TRIP12: variants seen among roughly 807,000 people sequenced by gnomAD.
TRIP12 encodes E3 ubiquitin-protein ligase TRIP12.
Under a neutral mutation model 244.2 loss-of-function variants are expected in TRIP12, and 25 were observed. The observed-to-expected ratio is 0.10, with a 90% CI of 0.07 to 0.14. The LOEUF (loss-of-function observed/expected upper bound fraction) is 0.14. Ranked by LOEUF, TRIP12 falls within the 10% of genes least tolerant of loss-of-function variation. TRIP12 has a pLI of 1.00. For missense variants in TRIP12, 1,677 were observed against 2,486.4 expected, an observed-to-expected ratio of 0.67 and a Z score of 6.92; for synonymous variants, 905 against 873.1, an observed-to-expected ratio of 1.04 and a Z score of -0.64.
intron 13 of TRIP12, among the ~76,000 whole-genome samples, 154 bp from the exon 14 acceptor site, chr2:229,811,358 TAC>T (rs1204581209): frequency 1.3e-5 from 2 of 151,908 alleles, no homozygotes; most frequent in African/African-American, 4.8e-5. Context: ...CTAAGCAAGG[TAC>T]AGTCAGTAAC....
At chr2:229,851,474 CA>C (rs2058688243) in intron 4 of TRIP12, among the ~76,000 whole-genome samples, 1 of 152,100 alleles carries the variant, frequency 6.6e-6, no homozygotes, top group Non-Finnish European at 1.5e-5. Context: ...TCGGCTCTAC[CA>C]ATCAGCAGGA....
At chr2:229,855,145 T>A (rs1384665757) in intron 4 of TRIP12, among the ~76,000 whole-genome samples, 1 of 152,166 alleles carries the variant, frequency 6.6e-6, no homozygotes, top group African/African-American at 2.4e-5. Flanking sequence ...CGCGTGCCTA[T>A]AATCCCAGTT....
chr2:229,789,749 T>C lies in TRIP12; in HGVS notation c.4557A>G (p.Pro1519=). ...AAACTTCTAAAGGATTTGATACTGA[T>C]GGGCACACTCCATCTAAAGGACAAA... is the stretch of plus-strand genomic sequence containing the variant. ...HDELWHDGVC[P]SVSNPLEVYL... Residue 1519 remains proline (P), a synonymous_variant, in exon 31 of 42, where the codon CCA becomes CCG. Coordinates refer to ENST00000675903, the MANE Select transcript of TRIP12 (RefSeq NM_001348323.3). 2 of 1,613,982 alleles carry C rather than the reference T, an allele frequency of 1.2e-6. No homozygotes were observed. Among genetic ancestry groups the C allele is most frequent in the Non-Finnish European group, 1.7e-6 (2 of 1,179,938 alleles).
chr2:229,804,834 G>A (rs2045425475), intron 18 of TRIP12, among the ~76,000 whole-genome samples: 1 of 152,110 alleles, frequency 6.6e-6, no homozygotes, highest in Admixed American at 6.5e-5. Context: ...CAATGGCAAT[G>A]GTGGTGAGTA....
intron 5 of TRIP12, among the ~76,000 whole-genome samples, chr2:229,837,308 A>G (rs1452118720): frequency 6.6e-6 from 1 of 152,230 alleles, no homozygotes; most frequent in Admixed American, 6.5e-5. Flanking sequence ...CGTTTAAAAT[A>G]GAGCATCACT....
chr2:229,841,385 C>T (rs1235231882), intron 4 of TRIP12, among the ~76,000 whole-genome samples: 1 of 152,082 alleles, frequency 6.6e-6, no homozygotes, highest in Non-Finnish European at 1.5e-5. Context: ...AGTTATACCA[C>T]CCATCAGAAA....
chr2:229,862,189 T>G (rs1173774943), intron 2 of TRIP12, among the ~76,000 whole-genome samples: 1 of 152,208 alleles, frequency 6.6e-6, no homozygotes, highest in African/African-American at 2.4e-5. Context: ...TATTGTGATT[T>G]AATTTTAATT....
At chr2:229,865,002 C>T (rs2061248372) in intron 2 of TRIP12, among the ~76,000 whole-genome samples, 1 of 152,088 alleles carries the variant, frequency 6.6e-6, no homozygotes, top group African/African-American at 2.4e-5. Context: ...GAGACCTAAA[C>T]TTTATATCAA....
At chr2:229,918,228 T>C (rs1287160415) in intron 1 of TRIP12, among the ~76,000 whole-genome samples, 1 of 152,174 alleles carries the variant, frequency 6.6e-6, no homozygotes, top group Non-Finnish European at 1.5e-5. Context: ...CTGTACATAG[T>C]GGGTGCTTGC....
intron 34 of TRIP12, among the ~76,000 whole-genome samples, chr2:229,782,829 G>C (rs554326492): frequency 1.3e-5 from 2 of 152,084 alleles, no homozygotes; most frequent in African/African-American, 4.8e-5. Context: ...CAACTTTGAG[G>C]TTATACTATT....
chr2:229,858,513 C>A (rs765947378), intron 4 of TRIP12, among the ~76,000 whole-genome samples: 1 of 152,076 alleles, frequency 6.6e-6, no homozygotes, highest in East Asian at 1.9e-4. Context: ...GGAGATGCCG[C>A]GAGGACCAAT....
At chr2:229,831,497 G>A (rs1308324582) in intron 6 of TRIP12, among the ~76,000 whole-genome samples, 2 of 152,164 alleles carry the variant, frequency 1.3e-5, no homozygotes, top group Non-Finnish European at 2.9e-5. Context: ...AATATAGTGA[G>A]ACTTGTAGTC....
chr2:229,835,750 T>C (rs530405387), intron 6 of TRIP12, among the ~76,000 whole-genome samples: 1 of 152,324 alleles, frequency 6.6e-6, no homozygotes, highest in East Asian at 1.9e-4. Context: ...CTGTTACCCA[T>C]TTGGGAATTG....
At chr2:229,884,239 T>TC (rs1388648822) in intron 1 of TRIP12, among the ~76,000 whole-genome samples, 6 of 146,636 alleles carry the variant, frequency 4.1e-5, no homozygotes, top group East Asian at 2.0e-4. Flanking sequence ...TTCTTTTCTT[T>TC]TTTTTTTTTT....
chr2:229,897,432 G>A (rs574558955), intron 1 of TRIP12, among the ~76,000 whole-genome samples: 64 of 152,216 alleles, frequency 4.2e-4, no homozygotes, highest in Non-Finnish European at 8.1e-4. Flanking sequence ...AGGATTATTT[G>A]AGGTCAGGAG....
chr2:229,829,209 T>C lies in TRIP12; in HGVS notation c.1434A>G (p.Thr478=), dbSNP rs374146132. 11 of 1,613,790 alleles carry C rather than the reference T, an allele frequency of 6.8e-6. No individual in the cohort carries two copies. In the African/African-American group the frequency reaches 1.5e-4, roughly 22 times the overall value. Residue 478 remains threonine (T), a synonymous_variant, in exon 8 of 42, where the codon ACA becomes ACG. Transcript: ENST00000675903. ...GPRMSQLFHR[T]IGSGASSKAQ... is the part of the protein sequence containing the mutation. ...TTTACTTACTAGCTCCACTTCCAAT[T>C]GTTCTATGGAAAAGCTGTGACATCC... is the stretch of plus-strand genomic sequence containing the variant.
chr2:229,851,195 C>G (rs952542416), intron 4 of TRIP12, among the ~76,000 whole-genome samples: 1 of 152,182 alleles, frequency 6.6e-6, no homozygotes, highest in Non-Finnish European at 1.5e-5. Context: ...CTGGTGGGGA[C>G]GTGGAGAACC....
At chr2:229,785,300 ATGAC>A (rs2039660474) in intron 34 of TRIP12, among the ~76,000 whole-genome samples, 2 of 152,222 alleles carry the variant, frequency 1.3e-5, no homozygotes, top group Non-Finnish European at 2.9e-5. Context: ...AGGGGATAGA[ATGAC>A]TGATTTTGCA....
intron 34 of TRIP12, among the ~76,000 whole-genome samples, chr2:229,783,351 T>C (rs186511761): frequency 6.6e-6 from 1 of 152,286 alleles, no homozygotes; most frequent in Non-Finnish European, 1.5e-5. Flanking sequence ...CCACAAAACC[T>C]GAAATATTTA....
Sources: gnomAD v4.1 joint callset for allele counts (sites outside exome capture counted in the v4.1 genomes callset) on GRCh38, gnomAD v4.1.1 for gene constraint, MANE v1.5 for transcripts, NCBI Gene and HGNC (gene_info 2026-07-23, HGNC 2026-07-21) for gene names.